The following CSMD1 variants were observed in gnomAD, a reference collection of about 807,000 sequenced individuals.
CSMD1 encodes CUB and sushi domain-containing protein 1.
In CSMD1, 213 loss-of-function variants were observed where a neutral mutation model predicts 417.5. The observed-to-expected ratio is 0.51, with a 90% confidence interval of 0.46 to 0.57. CSMD1 has a LOEUF of 0.57. CSMD1 is among the 20% of genes least tolerant of loss of function. The pLI, the probability that CSMD1 is intolerant of heterozygous loss-of-function variation, is 0.00. For synonymous variants in CSMD1, 2,862 were observed against 1,736.8 expected (o/e 1.65, Z -16.11); for missense variants, 6,923 against 4,529.7 (o/e 1.53, Z -15.17).
intron 25 of CSMD1, among the ~76,000 whole-genome samples, chr8:3,297,207 C>G (rs190583351): frequency 3.3e-5 from 5 of 152,262 alleles, no homozygotes; most frequent in South Asian, 2.1e-4. Flanking sequence ...TATACAATAT[C>G]AAGGACCAGA....
chr8:3,823,271 G>T (rs552001821), intron 5 of CSMD1, among the ~76,000 whole-genome samples: 1 of 152,098 alleles, frequency 6.6e-6, no homozygotes, highest in Non-Finnish European at 1.5e-5. Flanking sequence ...ATTCAGTTTT[G>T]CCAGATAATG....
chr8:4,712,465 T>C (rs1473644583), intron 1 of CSMD1, among the ~76,000 whole-genome samples: 1 of 152,176 alleles, frequency 6.6e-6, no homozygotes, highest in Non-Finnish European at 1.5e-5. Context: ...CAATTTTTTT[T>C]CCCATGTCAA....
rs1798189461 is a variant in CSMD1 at position 4,799,984 on chromosome 8, AC to A, written c.86-162427del. 3.3e-5 allele frequency among the ~76,000 whole-genome samples: 5 copies of A among 150,532 alleles called. No individual in the cohort carries two copies. The Admixed American group carries it at 3.3e-4, about 10-fold the overall frequency. On this transcript the variant is annotated intron_variant, in intron 1 of 69. Coordinates refer to ENST00000635120, the MANE Select transcript of CSMD1 (RefSeq NM_033225.6). ...ACACTGATGCTTCTCATTTTTTCTA[AC>A]ATAAGAAAAGTTTGTAAAGACATCA...
intron 3 of CSMD1, among the ~76,000 whole-genome samples, chr8:4,073,026 T>C (rs1357631971): frequency 6.6e-6 from 1 of 152,214 alleles, no homozygotes; most frequent in African/African-American, 2.4e-5. Context: ...AACCCAATTA[T>C]CACCTATAAG....
chr8:4,788,609 T>G, intron 1 of CSMD1: 2 of 1,030,974 alleles, frequency 1.9e-6, no homozygotes, highest in Non-Finnish European at 2.8e-6. Context: ...ATTGAAATTT[T>G]TAGGGGAAAA....
chr8:3,850,366 G>C (rs1254491316), intron 5 of CSMD1, among the ~76,000 whole-genome samples: 3 of 152,068 alleles, frequency 2.0e-5, no homozygotes, highest in Admixed American at 1.3e-4. Flanking sequence ...TTTTCTCTTT[G>C]TCCTGTAAGC....
At chr8:4,195,404 G>C (rs1377875756) in intron 3 of CSMD1, among the ~76,000 whole-genome samples, 1 of 152,100 alleles carries the variant, frequency 6.6e-6, no homozygotes, top group Non-Finnish European at 1.5e-5. Flanking sequence ...AAATCTGTTT[G>C]ACCCACCGAT....
chr8:3,678,820 C>T (rs191920641), intron 7 of CSMD1, among the ~76,000 whole-genome samples: 7 of 152,294 alleles, frequency 4.6e-5, no homozygotes, highest in Non-Finnish European at 8.8e-5. Flanking sequence ...GGAAGCCCAT[C>T]AGACTAACAG....
At chr8:3,683,635 A>G (rs1799784980) in intron 7 of CSMD1, among the ~76,000 whole-genome samples, 1 of 151,996 alleles carries the variant, frequency 6.6e-6, no homozygotes, top group African/African-American at 2.4e-5. Context: ...ACATGTGCAT[A>G]CTCTTTTAAT....
At chr8:2,996,604 T>C (rs1585115376) in intron 54 of CSMD1, among the ~76,000 whole-genome samples, 1 of 152,218 alleles carries the variant, frequency 6.6e-6, no homozygotes, top group East Asian at 1.9e-4. Flanking sequence ...CTCCAGAGCA[T>C]ATTTTGCTAG....
chr8:3,299,408 C>G (rs534712895), intron 25 of CSMD1, among the ~76,000 whole-genome samples: 1 of 151,954 alleles, frequency 6.6e-6, no homozygotes, highest in Non-Finnish European at 1.5e-5. Context: ...GCCAAGATCA[C>G]GCTATTGCAC....
chr8:3,080,620 C>T (rs1423602115), intron 49 of CSMD1, among the ~76,000 whole-genome samples: 5 of 152,278 alleles, frequency 3.3e-5, no homozygotes, highest in Middle Eastern at 3.4e-3. Context: ...CTGGGGCCTG[C>T]CACTTTGAAC....
At chr8:4,269,374 A>G (rs912218100) in intron 3 of CSMD1, among the ~76,000 whole-genome samples, 1 of 152,034 alleles carries the variant, frequency 6.6e-6, no homozygotes, top group Non-Finnish European at 1.5e-5. Context: ...CTCCATTTTC[A>G]TCTTCATTGT....
chr8:4,989,519 T>G (rs1811355318), intron 1 of CSMD1, among the ~76,000 whole-genome samples: 2 of 152,136 alleles, frequency 1.3e-5, no homozygotes, highest in Admixed American at 1.3e-4. Flanking sequence ...AAACTTAAAT[T>G]AAAAAAGAAG....
At chr8:4,050,186 T>C (rs1798350772) in intron 3 of CSMD1, among the ~76,000 whole-genome samples, 2 of 152,136 alleles carry the variant, frequency 1.3e-5, no homozygotes, top group South Asian at 4.1e-4. Flanking sequence ...CCACTCTGGA[T>C]GTTGACTTGA....
chr8:4,303,989 C>G (rs1563420833), intron 3 of CSMD1, among the ~76,000 whole-genome samples: 1 of 152,248 alleles, frequency 6.6e-6, no homozygotes, highest in Admixed American at 6.5e-5. Context: ...TGCCTAGAAC[C>G]TGAACATGAT....
intron 5 of CSMD1, among the ~76,000 whole-genome samples, chr8:3,903,744 G>C (rs926493833): frequency 6.6e-6 from 1 of 152,132 alleles, no homozygotes; most frequent in Non-Finnish European, 1.5e-5. Context: ...CAACTTTCAG[G>C]TGATGGACTT....
rs1210726161 is a variant in CSMD1 at position 2,974,628 on chromosome 8, C to G, written c.8567-4G>C. 1.9e-6 allele frequency: 3 copies of G among 1,570,452 alleles called. No individual in the cohort carries two copies. ...CCTGGGTGTCCACACGATATAGCTT[C>G]AGAAAAAAGATAAAACAATTGAGTA... On this transcript the variant is annotated splice_polypyrimidine_tract_variant and splice_region_variant and intron_variant, in intron 55 of 69. Transcript: ENST00000635120.
chr8:4,453,206 C>G (rs1441113007), intron 2 of CSMD1, among the ~76,000 whole-genome samples: 1 of 113,798 alleles, frequency 8.8e-6, no homozygotes, highest in Non-Finnish European at 1.9e-5. Flanking sequence ...CCCACACAGA[C>G]ACACACAGAG....
Sources: gnomAD v4.1 joint callset for allele counts (sites outside exome capture counted in the v4.1 genomes callset) on GRCh38, gnomAD v4.1.1 for gene constraint, MANE v1.5 for transcripts, NCBI Gene and HGNC (gene_info 2026-07-23, HGNC 2026-07-21) for gene names.